The following RUFY1 variants were observed in gnomAD, a reference collection of about 807,000 sequenced individuals.
RUFY1 encodes the protein RUN and FYVE domain containing 1, also known as RUN and FYVE domain-containing protein 1.
In RUFY1, 54 loss-of-function variants were observed where a neutral mutation model predicts 94.6. The ratio of observed to expected loss-of-function variants is 0.57; its 90% CI spans 0.46 to 0.72. The LOEUF (loss-of-function observed/expected upper bound fraction) is 0.72. Among genes scored for constraint, RUFY1 ranks in the 30% least tolerant of loss-of-function variants. The probability of loss-of-function intolerance (pLI) is 0.00; values close to 1 mark genes in which losing one functional copy is unlikely to be tolerated. For synonymous variants in RUFY1, 396 were observed against 347.3 expected, an observed-to-expected ratio of 1.14 and a Z score of -1.56; for missense variants, 883 against 883.9, an observed-to-expected ratio of 1.00 and a Z score of 0.01.
At chr5:179,598,668 C>G (rs1765952489) in intron 13 of RUFY1, 24 bp from the exon 14 acceptor site, 1 of 1,613,928 alleles carries the variant, frequency 6.2e-7, no homozygotes, top group Non-Finnish European at 8.5e-7. Flanking sequence ...CTGAGACTAA[C>G]TCAAGTTCAT....
intron 11 of RUFY1, among the ~76,000 whole-genome samples, 157 bp from the exon 12 acceptor site, chr5:179,594,709 C>T (rs1336627128): frequency 7.7e-6 from 1 of 129,946 alleles, no homozygotes; most frequent in Non-Finnish European, 1.6e-5. Context: ...GGCAGTGAGC[C>T]AAGATCACGC....
chr5:179,555,482 G>C (rs1762065284), intron 1 of RUFY1, among the ~76,000 whole-genome samples: 1 of 152,054 alleles, frequency 6.6e-6, no homozygotes, highest in Non-Finnish European at 1.5e-5. Context: ...ATGGGTACAG[G>C]TAACCCCATA....
intron 13 of RUFY1, 73 bp from the exon 14 acceptor site, chr5:179,598,619 C>T (rs535979584): frequency 3.2e-5 from 49 of 1,553,510 alleles, no homozygotes; most frequent in South Asian, 2.2e-4. Flanking sequence ...GTTTCCTGGG[C>T]GGTGAATTGG....
chr5:179,557,863 C>G (rs1305096275), intron 1 of RUFY1, among the ~76,000 whole-genome samples: 69 of 152,054 alleles, frequency 4.5e-4, no homozygotes, highest in Non-Finnish European at 2.6e-4. Flanking sequence ...TTTTTGATTA[C>G]TTAATCATCA....
At chr5:179,564,424 T>TG (rs1267388303) in intron 3 of RUFY1, among the ~76,000 whole-genome samples, 109 of 150,492 alleles carry the variant, frequency 7.2e-4, no homozygotes, top group African/African-American at 2.4e-3. Flanking sequence ...CTGGCTGTTT[T>TG]TTTTTTTTTT....
At chr5:179,576,455 C>G (rs970896577) in intron 5 of RUFY1, among the ~76,000 whole-genome samples, 1 of 152,174 alleles carries the variant, frequency 6.6e-6, no homozygotes, top group African/African-American at 2.4e-5. Flanking sequence ...AAGTCTCGCT[C>G]TGTTGCCCAG....
chr5:179,569,036 G>T, intron 4 of RUFY1: 1 of 985,286 alleles, frequency 1.0e-6, no homozygotes, highest in Non-Finnish European at 1.2e-6. Context: ...AAGAGGAGAC[G>T]AGGAGAACTG....
At chr5:179,560,348 G>A (rs1021707588) in intron 2 of RUFY1, 150 bp downstream of exon 2, 1 of 958,268 alleles carries the variant, frequency 1.0e-6, no homozygotes, top group African/African-American at 1.7e-5. Flanking sequence ...CGACGTCCTA[G>A]AGCAGCGCTG....
intron 12 of RUFY1, chr5:179,596,318 C>G (rs78808977): frequency 3.4e-6 from 2 of 586,524 alleles, no homozygotes; most frequent in Non-Finnish European, 6.1e-6. Context: ...ATTACATTCT[C>G]AAAAAGCCAA....
intron 5 of RUFY1, among the ~76,000 whole-genome samples, chr5:179,575,718 A>G (rs948483803): frequency 6.6e-6 from 1 of 152,284 alleles, no homozygotes; most frequent in South Asian, 2.1e-4. Flanking sequence ...CAACATAAGT[A>G]GGGTTACTAT....
intron 3 of RUFY1, among the ~76,000 whole-genome samples, chr5:179,565,222 A>C (rs1268108948): frequency 1.3e-4 from 15 of 119,362 alleles, no homozygotes; most frequent in Non-Finnish European, 2.2e-4. Flanking sequence ...CGCCCAGCCC[A>C]GGCTGGAGTG....
intron 6 of RUFY1, among the ~76,000 whole-genome samples, chr5:179,579,364 C>G (rs1047214379): frequency 6.6e-6 from 1 of 152,038 alleles, no homozygotes; most frequent in African/African-American, 2.4e-5. Context: ...TAGTTTCGCT[C>G]TTATTGCCCA....
Position 179,550,623 on chromosome 5 carries a change from G to A in RUFY1, c.54G>A (p.Pro18=), listed in dbSNP as rs752282890. 5.1e-6 allele frequency: 7 copies of A among 1,369,490 alleles called. No individual in the cohort carries two copies. The highest frequency in any genetic ancestry group is 3.0e-5 in the Admixed American group (1 of 33,676). The allele number at this position is 1,369,490 out of a possible 1,614,324, so 84.8% of individuals were successfully genotyped here. Residue 18 remains proline (P), a synonymous_variant, in exon 1 of 18, where the codon CCG becomes CCA. Transcript: ENST00000319449. ...CAAGRGRELE[P]ELEPGPGPGS... ...CTGGGCGGGGGCGGGAGCTGGAGCC[G>A]GAGCTGGAGCCGGGGCCGGGGCCCG...
chr5:179,595,880 T>G (rs2127561043), intron 12 of RUFY1: 1 of 153,676 alleles, frequency 6.5e-6, no homozygotes, highest in East Asian at 1.9e-4. Context: ...CAATACCAAG[T>G]GCTGATGAGG....
intron 14 of RUFY1, among the ~76,000 whole-genome samples, chr5:179,601,037 C>T (rs1017253185): frequency 1.3e-5 from 2 of 152,084 alleles, no homozygotes; most frequent in African/African-American, 4.8e-5. Context: ...TGTAACTATC[C>T]TGTCCCATGT....
At chr5:179,564,420 GT>G (rs60186448) in intron 3 of RUFY1, among the ~76,000 whole-genome samples, 37,827 of 123,602 alleles carry the variant, frequency 0.31, 5,646 homozygotes, top group East Asian at 0.62. Context: ...GTGCCTGGCT[GT>G]TTTTTTTTTT....
At chr5:179,577,965 T>C (rs528216040) in intron 6 of RUFY1, among the ~76,000 whole-genome samples, 6 of 152,140 alleles carry the variant, frequency 3.9e-5, no homozygotes, top group Non-Finnish European at 7.4e-5. Context: ...CAGTGCATTA[T>C]TCTCATTGTT....
intron 1 of RUFY1, among the ~76,000 whole-genome samples, chr5:179,557,192 G>C (rs1581416655): frequency 6.6e-6 from 1 of 152,152 alleles, no homozygotes; most frequent in East Asian, 1.9e-4. Context: ...ACTTTGAGAG[G>C]CTGAGGCAGG....
chr5:179,576,843 G>A (rs1420904637), intron 5 of RUFY1, among the ~76,000 whole-genome samples: 2 of 151,998 alleles, frequency 1.3e-5, no homozygotes, highest in African/African-American at 2.4e-5. Flanking sequence ...AAACTAGGTC[G>A]TGAAATTTCA....
Sources: gnomAD v4.1 joint callset for allele counts (sites outside exome capture counted in the v4.1 genomes callset) on GRCh38, gnomAD v4.1.1 for gene constraint, MANE v1.5 for transcripts, NCBI Gene and HGNC (gene_info 2026-07-23, HGNC 2026-07-21) for gene names.